MSRA: variants seen among roughly 807,000 people sequenced by gnomAD.
MSRA encodes the protein methionine sulfoxide reductase A.
Under a neutral mutation model 31.3 loss-of-function variants are expected in MSRA, and 54 were observed. That is an observed-to-expected ratio of 1.73 (90% confidence interval 1.39 to 2.17). The LOEUF is 2.17. Among genes scored for constraint, MSRA ranks in the 30% most tolerant of loss-of-function variants. The pLI, the probability that MSRA is intolerant of heterozygous loss-of-function variation, is 0.00. For missense variants in MSRA, 507 were observed against 300.9 expected, an observed-to-expected ratio of 1.69 and a Z score of -5.07; for synonymous variants, 169 against 116.5, an observed-to-expected ratio of 1.45 and a Z score of -2.90.
chr8:10,079,096 C>T (rs143003797), intron 1 of MSRA, among the ~76,000 whole-genome samples: 1 of 152,246 alleles, frequency 6.6e-6, no homozygotes, highest in East Asian at 1.9e-4. Flanking sequence ...TTAGCGTTGC[C>T]CGCAGGCTCA....
chr8:10,091,571 A>G (rs1477144540), intron 1 of MSRA, among the ~76,000 whole-genome samples: 3 of 150,186 alleles, frequency 2.0e-5, no homozygotes, highest in Non-Finnish European at 1.5e-5. Context: ...TTCTTTGGAT[A>G]TATGCTCAGA....
intron 3 of MSRA, among the ~76,000 whole-genome samples, chr8:10,251,152 A>G (rs12543766): frequency 0.56 from 85,560 of 151,458 alleles, 24,988 homozygotes; most frequent in Non-Finnish European, 0.64. Context: ...ATGCTTGAGA[A>G]CTCTAACTGA....
chr8:10,305,938 C>A (rs1801115614), intron 4 of MSRA, among the ~76,000 whole-genome samples: 1 of 152,292 alleles, frequency 6.6e-6, no homozygotes, highest in African/African-American at 2.4e-5. Flanking sequence ...TTTTAATTTA[C>A]CAATTACCAC....
chr8:10,175,307 A>G (rs577361423), intron 1 of MSRA, among the ~76,000 whole-genome samples: 5 of 152,274 alleles, frequency 3.3e-5, no homozygotes, highest in South Asian at 4.1e-4. Flanking sequence ...ATGTAACCGT[A>G]TATGCTCAGT....
chr8:10,427,212 T>A (rs754948098), intron 5 of MSRA, among the ~76,000 whole-genome samples: 2 of 151,838 alleles, frequency 1.3e-5, no homozygotes, highest in Non-Finnish European at 2.9e-5. Flanking sequence ...GCAGTGAGAG[T>A]GGGTTGAGCC....
chr8:10,409,348 G>A (rs1318318183), intron 5 of MSRA, among the ~76,000 whole-genome samples: 1 of 152,126 alleles, frequency 6.6e-6, no homozygotes, highest in Non-Finnish European at 1.5e-5. Flanking sequence ...TCATATGCTT[G>A]TGGGCCGTTT....
rs992058912 is a variant in MSRA, at chr8:10,358,838, C to T, written c.543+38849C>T. On this transcript the variant is annotated intron_variant, in intron 5 of 5. Transcript: ENST00000317173. ...CGATCTCCTGACCTCGTGATCCGCC[C>T]GCCTCGGCCTCCCAAAGTGCTGGGA... 8.5e-4 allele frequency among the ~76,000 whole-genome samples: 126 copies of T among 148,742 alleles called. 2 individuals are homozygous for T. Among genetic ancestry groups the T allele is most frequent in the Non-Finnish European group, 3.1e-4 (21 of 67,956 alleles).
chr8:10,295,080 C>G (rs1800460270), intron 3 of MSRA, among the ~76,000 whole-genome samples: 1 of 152,292 alleles, frequency 6.6e-6, no homozygotes, highest in African/African-American at 2.4e-5. Flanking sequence ...CAGGACAGAT[C>G]TAGAGATCTC....
intron 1 of MSRA, among the ~76,000 whole-genome samples, chr8:10,204,428 A>T (rs6981758): frequency 0.47 from 71,237 of 151,682 alleles, 17,364 homozygotes; most frequent in African/African-American, 0.62. Flanking sequence ...CCTTTTTTTT[A>T]AATCTTTTAT....
intron 1 of MSRA, among the ~76,000 whole-genome samples, chr8:10,076,151 C>G (rs1797986970): frequency 1.3e-5 from 2 of 152,224 alleles, no homozygotes; most frequent in Non-Finnish European, 2.9e-5. Context: ...CAGACAGTCG[C>G]TATTTCTGGG....
intron 5 of MSRA, among the ~76,000 whole-genome samples, chr8:10,417,599 T>C (rs1048224519): frequency 4.6e-5 from 7 of 152,128 alleles, no homozygotes; most frequent in African/African-American, 1.4e-4. Context: ...TCAGAATAGA[T>C]GATGTTTTCT....
intron 1 of MSRA, among the ~76,000 whole-genome samples, chr8:10,148,012 C>A (rs1453680548): frequency 6.6e-6 from 1 of 152,220 alleles, no homozygotes; most frequent in African/African-American, 2.4e-5. Flanking sequence ...GTGCACTTGG[C>A]CACAGTCCAA....
chr8:10,058,214 C>A (rs963683027), intron 1 of MSRA, among the ~76,000 whole-genome samples: 3 of 151,698 alleles, frequency 2.0e-5, no homozygotes, highest in African/African-American at 7.3e-5. Context: ...TAGAAAAAAA[C>A]AGTAGAACAA....
At chr8:10,229,607 A>G (rs535152806) in intron 2 of MSRA, among the ~76,000 whole-genome samples, 1 of 152,290 alleles carries the variant, frequency 6.6e-6, no homozygotes, top group Admixed American at 6.5e-5. Flanking sequence ...AGGGAGCCTA[A>G]GAGAACAGAG....
chr8:10,293,632 G>A (rs181415609), intron 3 of MSRA, among the ~76,000 whole-genome samples: 20 of 152,318 alleles, frequency 1.3e-4, no homozygotes, highest in African/African-American at 4.8e-4. Flanking sequence ...AGAAAGGTCC[G>A]ACGTGTCTCT....
chr8:10,425,692 C>G (rs1173092896), intron 5 of MSRA, among the ~76,000 whole-genome samples: 2 of 152,248 alleles, frequency 1.3e-5, no homozygotes, highest in Non-Finnish European at 2.9e-5. Flanking sequence ...CGAGGCCCGT[C>G]TCAGCAGGCG....
intron 5 of MSRA, among the ~76,000 whole-genome samples, chr8:10,353,111 G>C (rs1804286037): frequency 6.6e-6 from 1 of 152,136 alleles, no homozygotes; most frequent in South Asian, 2.1e-4. Context: ...CCACAGGCCT[G>C]AGCCACAGAC....
At chr8:10,418,544 T>A (rs1020198031) in intron 5 of MSRA, among the ~76,000 whole-genome samples, 41 of 152,196 alleles carry the variant, frequency 2.7e-4, no homozygotes, top group African/African-American at 8.4e-4. Flanking sequence ...CCTTTGAAAT[T>A]ATAAGCAAGT....
At chr8:10,095,885 G>C in intron 1 of MSRA, 1 of 1,283,310 alleles carries the variant, frequency 7.8e-7, no homozygotes, top group Non-Finnish European at 9.9e-7. Flanking sequence ...TTTTTTGCAT[G>C]TATGATTATA....
Sources: gnomAD v4.1 joint callset for allele counts (sites outside exome capture counted in the v4.1 genomes callset) on GRCh38, gnomAD v4.1.1 for gene constraint, MANE v1.5 for transcripts, NCBI Gene and HGNC (gene_info 2026-07-23, HGNC 2026-07-21) for gene names.